TSHR: variants seen among roughly 807,000 people sequenced by gnomAD.
The protein encoded by TSHR is thyroid stimulating hormone receptor.
In TSHR, 51 loss-of-function variants were observed where a neutral mutation model predicts 64.1. The ratio of observed to expected loss-of-function variants is 0.80; its 90% CI spans 0.64 to 1.01. The LOEUF (loss-of-function observed/expected upper bound fraction) is 1.01, where lower values mean the gene tolerates loss of function less well. Ranked by LOEUF, TSHR falls within the 50% of genes least tolerant of loss-of-function variation. TSHR has a pLI of 0.00. For missense variants in TSHR, 877 were observed against 942.8 expected, an observed-to-expected ratio of 0.93 and a Z score of 0.91; for synonymous variants, 361 against 361.9, an observed-to-expected ratio of 1.00 and a Z score of 0.03.
chr14:81,128,677 C>T (rs1891114345), intron 8 of TSHR, among the ~76,000 whole-genome samples: 1 of 152,146 alleles, frequency 6.6e-6, no homozygotes, highest in South Asian at 2.1e-4. Flanking sequence ...CTGAATAGGA[C>T]ACATGGCATG....
intron 1 of TSHR, among the ~76,000 whole-genome samples, chr14:81,017,431 G>C (rs1251664418): frequency 6.6e-6 from 1 of 152,152 alleles, no homozygotes; most frequent in African/African-American, 2.4e-5. Flanking sequence ...GGAGTGGAGA[G>C]AGTGCACAAA....
chr14:81,104,583 G>C (rs1291387904), intron 7 of TSHR: 2 of 985,306 alleles, frequency 2.0e-6, no homozygotes, highest in Admixed American at 1.2e-4. Flanking sequence ...CCTTCCTCCA[G>C]CAAGTCTTTA....
At chr14:81,039,166 C>A (rs1282294251) in intron 1 of TSHR, among the ~76,000 whole-genome samples, 3 of 151,880 alleles carry the variant, frequency 2.0e-5, no homozygotes. Flanking sequence ...AAAGAGAGTT[C>A]ACCATGACCA....
chr14:81,028,256 G>A (rs1884172462), intron 1 of TSHR, among the ~76,000 whole-genome samples: 1 of 152,000 alleles, frequency 6.6e-6, no homozygotes, highest in African/African-American at 2.4e-5. Context: ...CAGGAATGCT[G>A]GTTTACATCA....
chr14:81,118,581 T>C (rs372071165), intron 8 of TSHR, among the ~76,000 whole-genome samples: 9,437 of 150,696 alleles, frequency 0.063, 749 homozygotes, highest in East Asian at 0.22. Context: ...GAATCAATAT[T>C]GTGAAAATGG....
chr14:80,985,342 A>G (rs1888388200), intron 1 of TSHR, among the ~76,000 whole-genome samples: 2 of 152,210 alleles, frequency 1.3e-5, no homozygotes, highest in Admixed American at 1.3e-4. Flanking sequence ...TTATTCTCCT[A>G]TGTGTCCTAT....
intron 8 of TSHR, among the ~76,000 whole-genome samples, chr14:81,139,146 G>A (rs1214111405): frequency 6.6e-6 from 1 of 152,162 alleles, no homozygotes; most frequent in Non-Finnish European, 1.5e-5. Context: ...GGGATGGGGG[G>A]AAATGTTGTC....
chr14:81,135,678 G>A (rs376002385), intron 8 of TSHR, among the ~76,000 whole-genome samples: 18 of 152,322 alleles, frequency 1.2e-4, no homozygotes, highest in East Asian at 1.9e-4. Context: ...GAAGCTTCAA[G>A]CCCTGGAAAG....
At chr14:80,980,775 T>C (rs1478370541) in intron 1 of TSHR, among the ~76,000 whole-genome samples, 1 of 152,192 alleles carries the variant, frequency 6.6e-6, no homozygotes, top group Admixed American at 6.5e-5. Context: ...CATTCTTGCC[T>C]TTTAACTTCT....
chr14:81,132,189 C>T (rs1007642858), intron 8 of TSHR, among the ~76,000 whole-genome samples: 10 of 152,134 alleles, frequency 6.6e-5, no homozygotes, highest in African/African-American at 7.2e-5. Flanking sequence ...GATGTAACTG[C>T]GCATTTATAA....
intron 1 of TSHR, chr14:81,001,710 C>T (rs1464764815): frequency 1.5e-5 from 7 of 466,132 alleles, no homozygotes; most frequent in Non-Finnish European, 2.1e-5. Flanking sequence ...GGCAGTTTCA[C>T]GAGTGTTCTT....
chr14:81,059,264 T>A (rs1482461773), intron 1 of TSHR, among the ~76,000 whole-genome samples: 1 of 152,148 alleles, frequency 6.6e-6, no homozygotes, highest in Admixed American at 6.6e-5. Flanking sequence ...AGAAGAAAAC[T>A]CCTTTTAAAT....
At chr14:80,998,995 G>T (rs1314254358) in intron 1 of TSHR, among the ~76,000 whole-genome samples, 1 of 152,102 alleles carries the variant, frequency 6.6e-6, no homozygotes, top group Non-Finnish European at 1.5e-5. Flanking sequence ...AAACCAACTG[G>T]GGTCTTAGCA....
At chr14:81,114,838 C>G (rs1469177634) in intron 8 of TSHR, among the ~76,000 whole-genome samples, 1 of 152,208 alleles carries the variant, frequency 6.6e-6, no homozygotes, top group African/African-American at 2.4e-5. Context: ...GATCTGAGAA[C>G]AGGCAGACTG....
At chr14:80,973,282 A>G (rs1174918078) in intron 1 of TSHR, among the ~76,000 whole-genome samples, 8 of 151,628 alleles carry the variant, frequency 5.3e-5, no homozygotes, top group Non-Finnish European at 8.8e-5. Flanking sequence ...GCGGGTGCCT[A>G]TAGTCCCAGC....
At chr14:81,021,277 C>A (rs544435877) in intron 1 of TSHR, among the ~76,000 whole-genome samples, 80 of 152,180 alleles carry the variant, frequency 5.3e-4, no homozygotes, top group African/African-American at 1.9e-3. Flanking sequence ...TGATCAACCA[C>A]TGAGGCTCTG....
In TSHR at chr14:81,139,699, T is replaced by A. The variant is rs755802814; in HGVS notation, c.713T>A (p.Val238Asp). 9.9e-6 allele frequency: 16 copies of A among 1,614,232 alleles called. No individual in the cohort carries two copies. The highest frequency in any genetic ancestry group is 1.4e-5 in the Non-Finnish European group (16 of 1,180,046). The change falls in exon 9 of 10, where the codon GTC (valine) becomes GAC (aspartate). Residue 238 changes from valine to aspartate, a missense_variant. Transcript: ENST00000298171. ...PSLLDVSQTS[V>D]TALPSKGLEH... ...CCCAGGGACGTGTCTCAAACCAGTGTCACTGCCCTTCCATCCAAAGGCCTG... is the reference window on the plus strand; with the variant it reads ...CCCAGGGACGTGTCTCAAACCAGTGACACTGCCCTTCCATCCAAAGGCCTG...
intron 1 of TSHR, among the ~76,000 whole-genome samples, chr14:81,038,433 A>G (rs1884758571): frequency 6.6e-6 from 1 of 151,718 alleles, no homozygotes; most frequent in African/African-American, 2.4e-5. Flanking sequence ...GAAGTAAAAA[A>G]AGAAAAAAAA....
At chr14:81,079,846 C>T (rs117350778) in intron 3 of TSHR, among the ~76,000 whole-genome samples, 2,899 of 147,900 alleles carry the variant, frequency 0.02, 53 homozygotes, top group Non-Finnish European at 0.03. Context: ...CAGAATGAGA[C>T]CCCTAGCTCA....
Sources: gnomAD v4.1 joint callset for allele counts (sites outside exome capture counted in the v4.1 genomes callset) on GRCh38, gnomAD v4.1.1 for gene constraint, MANE v1.5 for transcripts, NCBI Gene and HGNC (gene_info 2026-07-23, HGNC 2026-07-21) for gene names.